Variants in DGKI observed in about 807,000 individuals in gnomAD.
DGKI encodes the protein DAG kinase iota.
DGKI carries 55 observed loss-of-function variants against 147.5 expected under a neutral mutation model. The ratio of observed to expected loss-of-function variants is 0.37; its 90% CI spans 0.30 to 0.47. The LOEUF (loss-of-function observed/expected upper bound fraction) is 0.47. DGKI is among the 20% of genes least tolerant of loss of function. The probability of loss-of-function intolerance (pLI) is 1.00; values close to 1 mark genes in which losing one functional copy is unlikely to be tolerated. For missense variants in DGKI, 1,007 were observed against 1,323.8 expected, an observed-to-expected ratio of 0.76 and a Z score of 3.71; for synonymous variants, 469 against 477.1, an observed-to-expected ratio of 0.98 and a Z score of 0.22.
chr7:137,664,947 A>C (rs1822581349), intron 3 of DGKI, among the ~76,000 whole-genome samples: 1 of 152,192 alleles, frequency 6.6e-6, no homozygotes, highest in East Asian at 1.9e-4. Flanking sequence ...ATATTTTGAC[A>C]AACACCCAAA....
chr7:137,557,409 A>G (rs565508462), intron 19 of DGKI, among the ~76,000 whole-genome samples: 1 of 152,314 alleles, frequency 6.6e-6, no homozygotes, highest in South Asian at 2.1e-4. Context: ...AGAACAGAAT[A>G]GACTCAAAGA....
At chr7:137,812,957 C>T (rs1797635203) in intron 1 of DGKI, among the ~76,000 whole-genome samples, 1 of 152,226 alleles carries the variant, frequency 6.6e-6, no homozygotes, top group Non-Finnish European at 1.5e-5. Flanking sequence ...CAGAAAGCAT[C>T]AGTTGCGAGA....
chr7:137,717,904 C>T (rs1213091871), intron 1 of DGKI, among the ~76,000 whole-genome samples: 2 of 152,158 alleles, frequency 1.3e-5, no homozygotes, highest in South Asian at 4.1e-4. Flanking sequence ...ATTTAAACTT[C>T]CTTTTAGAAT....
chr7:137,839,374 A>G (rs545682558), intron 1 of DGKI, among the ~76,000 whole-genome samples: 2 of 152,276 alleles, frequency 1.3e-5, no homozygotes, highest in Non-Finnish European at 2.9e-5. Context: ...GAATAATTTT[A>G]TCACCAGCTG....
At chr7:137,684,494 T>C (rs532256038) in intron 2 of DGKI, among the ~76,000 whole-genome samples, 1 of 152,236 alleles carries the variant, frequency 6.6e-6, no homozygotes, top group Non-Finnish European at 1.5e-5. Flanking sequence ...TTTGTTTAGA[T>C]AATCACTTGC....
chr7:137,535,354 A>G (rs1396752125), intron 20 of DGKI, among the ~76,000 whole-genome samples: 1 of 152,126 alleles, frequency 6.6e-6, no homozygotes, highest in Non-Finnish European at 1.5e-5. Context: ...TTATCTATTA[A>G]AAACATAGAA....
intron 28 of DGKI, among the ~76,000 whole-genome samples, chr7:137,431,477 A>C (rs1466332033): frequency 6.6e-6 from 1 of 152,110 alleles, no homozygotes; most frequent in Non-Finnish European, 1.5e-5. Context: ...TGCAATATTT[A>C]TACACTTGCA....
intron 1 of DGKI, among the ~76,000 whole-genome samples, chr7:137,716,551 A>G (rs960867590): frequency 9.9e-5 from 15 of 152,204 alleles, no homozygotes; most frequent in Non-Finnish European, 2.2e-4. Context: ...TGAAAAATGA[A>G]ATCACTATTC....
intron 29 of DGKI, among the ~76,000 whole-genome samples, chr7:137,408,511 C>G (rs1812045505): frequency 6.6e-6 from 1 of 152,140 alleles, no homozygotes; most frequent in Non-Finnish European, 1.5e-5. Context: ...TCACTGAATA[C>G]AAGTATAGAC....
chr7:137,691,623 CT>C (rs1172685860), intron 1 of DGKI, among the ~76,000 whole-genome samples: 1 of 152,114 alleles, frequency 6.6e-6, no homozygotes, highest in African/African-American at 2.4e-5. Flanking sequence ...TTTCATCCTG[CT>C]CAGCGACCTC....
chr7:137,790,515 C>T (rs951429349), intron 1 of DGKI, among the ~76,000 whole-genome samples: 2 of 152,202 alleles, frequency 1.3e-5, no homozygotes, highest in African/African-American at 2.4e-5. Flanking sequence ...ATAAAAAGCT[C>T]AGATGCCTGG....
At chr7:137,690,494 T>C (rs1823567539) in intron 1 of DGKI, among the ~76,000 whole-genome samples, 1 of 152,190 alleles carries the variant, frequency 6.6e-6, no homozygotes, top group Non-Finnish European at 1.5e-5. Context: ...CTCGAGAATA[T>C]CATCCTTTCC....
At chr7:137,493,928 GA>G (rs370632433) in intron 21 of DGKI, 7,480 of 589,300 alleles carry the variant, frequency 0.013, 80 homozygotes, top group Non-Finnish European at 0.016. Flanking sequence ...AAATTCTAAA[GA>G]ATACAATAAA....
intron 19 of DGKI, among the ~76,000 whole-genome samples, chr7:137,553,392 ATTAC>A (rs987904724): frequency 6.6e-6 from 1 of 152,320 alleles, no homozygotes; most frequent in African/African-American, 2.4e-5. Flanking sequence ...AATAACATCA[ATTAC>A]TTAATTTAAA....
At chr7:137,440,998 C>A (rs1461058900) in intron 28 of DGKI, among the ~76,000 whole-genome samples, 1 of 152,152 alleles carries the variant, frequency 6.6e-6, no homozygotes, top group East Asian at 1.9e-4. Context: ...AACGGTTATT[C>A]TCTCCCGTCC....
intron 29 of DGKI, among the ~76,000 whole-genome samples, chr7:137,411,914 G>A (rs553927857): frequency 3.4e-4 from 52 of 152,244 alleles, no homozygotes; most frequent in Non-Finnish European, 6.5e-4. Context: ...TCAAATGTCA[G>A]CTTCTAGAGG....
rs964271241 is a variant in DGKI, at chr7:137,390,335, C to G, written c.*885G>C. The stretch of plus-strand genomic sequence containing the variant: ...AAACAGCACTTAAAATTGAGTGGTT[C>G]TGCAAACTAGCTGTGGGCCTCTGTT... On this transcript the variant is annotated 3_prime_UTR_variant, in exon 33 of 33. Coordinates refer to ENST00000614521, the MANE Select transcript of DGKI (RefSeq NM_001321708.2). The G allele has an allele frequency of 6.6e-6, 1 of 152,648 alleles. No homozygotes were observed. Among genetic ancestry groups the G allele is most frequent in the African/African-American group, 2.4e-5 (1 of 41,458 alleles). 9.5% of individuals were successfully genotyped at this position (152,648 alleles called of 1,614,324 possible).
intron 1 of DGKI, chr7:137,722,161 C>T: frequency 6.9e-6 from 11 of 1,599,920 alleles, no homozygotes; most frequent in South Asian, 2.2e-5. Context: ...CAGGTATTCC[C>T]GATCTGCTAT....
intron 21 of DGKI, among the ~76,000 whole-genome samples, chr7:137,519,561 T>G (rs578084913): frequency 6.6e-6 from 1 of 152,178 alleles, no homozygotes; most frequent in South Asian, 2.1e-4. Context: ...CCCTTTTATC[T>G]AGATGTGTTG....
Sources: gnomAD v4.1 joint callset for allele counts (sites outside exome capture counted in the v4.1 genomes callset) on GRCh38, gnomAD v4.1.1 for gene constraint, MANE v1.5 for transcripts, NCBI Gene and HGNC (gene_info 2026-07-23, HGNC 2026-07-21) for gene names.